Variants in KATNBL1 observed in about 807,000 individuals in gnomAD.
The protein encoded by KATNBL1 is katanin regulatory subunit B1 like 1, also known as KATNB1-like protein 1.
A neutral mutation model predicts 44.7 loss-of-function variants in KATNBL1; 28 were observed. That is an observed-to-expected ratio of 0.63 (90% confidence interval 0.46 to 0.86). The LOEUF is 0.86. KATNBL1 is among the 40% of genes least tolerant of loss of function. KATNBL1 has a pLI of 0.00. For missense variants in KATNBL1, 272 were observed against 350.7 expected (o/e 0.78, Z 1.79); for synonymous variants, 78 against 114.9 (o/e 0.68, Z 2.06).
At chr15:34,181,948 A>G (rs764443245) in intron 1 of KATNBL1, among the ~76,000 whole-genome samples, 27 of 149,386 alleles carry the variant, frequency 1.8e-4, no homozygotes, top group Non-Finnish European at 3.4e-4. Context: ...TGTTAACAGT[A>G]TCATTAAAAA....
intron 1 of KATNBL1, among the ~76,000 whole-genome samples, chr15:34,178,822 T>A (rs190541704): frequency 6.6e-6 from 1 of 152,064 alleles, no homozygotes; most frequent in Non-Finnish European, 1.5e-5. Context: ...ACATGAGATT[T>A]TTCTGGGATA....
Position 34,145,486 on chromosome 15 carries a change from A to T in KATNBL1, c.794T>A (p.Ile265Asn). 6.9e-7 allele frequency: 1 copy of T among 1,440,420 alleles called. No homozygotes were observed. The highest frequency in any genetic ancestry group is 2.8e-5 in the East Asian group (1 of 35,590). 89.2% of individuals were successfully genotyped at this position (1,440,420 alleles called of 1,614,324 possible). ...SKTEIINDGN[I>N]QILKQQLSGL... ...ACTTAATTGTTGTTTTAAAATTTGA[A>T]TATTTCTAAAAGAAAAAAAAGGAAG... Residue 265 changes from isoleucine (I) to asparagine (N), a missense_variant, in exon 9 of 10, where the codon ATT becomes AAT. Physicochemically the swap from Ile to Asn is moderately radical, Grantham distance 149 (BLOSUM62 -3). Coordinates refer to ENST00000256544, the MANE Select transcript of KATNBL1 (RefSeq NM_024713.3).
At chr15:34,195,410 T>TA (rs1890001627) in intron 1 of KATNBL1, among the ~76,000 whole-genome samples, 1 of 152,062 alleles carries the variant, frequency 6.6e-6, no homozygotes, top group Non-Finnish European at 1.5e-5. Flanking sequence ...TGTGGAATAA[T>TA]AGAGAATGGA....
At chr15:34,180,870 C>T (rs1889496970) in intron 1 of KATNBL1, among the ~76,000 whole-genome samples, 1 of 152,044 alleles carries the variant, frequency 6.6e-6, no homozygotes, top group Non-Finnish European at 1.5e-5. Context: ...CGATACCAGC[C>T]TAGGCAACAT....
intron 2 of KATNBL1, among the ~76,000 whole-genome samples, chr15:34,163,269 C>T (rs929869718): frequency 2.6e-5 from 4 of 152,034 alleles, no homozygotes; most frequent in Non-Finnish European, 5.9e-5. Context: ...GTCTTGAACT[C>T]CTGACCTCAG....
At chr15:34,161,498 CT>C (rs1888805528) in intron 2 of KATNBL1, among the ~76,000 whole-genome samples, 1 of 152,192 alleles carries the variant, frequency 6.6e-6, no homozygotes, top group Non-Finnish European at 1.5e-5. Flanking sequence ...TGGCAAAAGG[CT>C]TTCTCAGCAA....
In KATNBL1 at chr15:34,199,925, CTTAT is replaced by C. The variant is rs1413506178; in HGVS notation, c.-15+10022_-15+10025del. ...GGGCTAGGTGGCCAGCTTTTATTCC[CTTAT>C]TTGACCCCGCCCATGTGCTGCTGAT... On this transcript the variant is annotated intron_variant, in intron 1 of 9. Coordinates refer to ENST00000256544, the MANE Select transcript of KATNBL1 (RefSeq NM_024713.3). 2.0e-5 allele frequency: 3 copies of C among 152,238 alleles called. No individual in the cohort carries two copies. The East Asian group carries it at 5.8e-4, about 29-fold the overall frequency. The allele number at this position is 152,238 out of a possible 1,614,324, so 9.4% of individuals were successfully genotyped here. A position where few individuals can be genotyped will look rare whatever the true frequency, so the allele number is the denominator to read the frequency against.
intron 1 of KATNBL1, among the ~76,000 whole-genome samples, chr15:34,192,487 T>C (rs1889904832): frequency 6.6e-6 from 1 of 152,070 alleles, no homozygotes; most frequent in African/African-American, 2.4e-5. Flanking sequence ...AGCCAATTCA[T>C]GGGAGACATA....
intron 1 of KATNBL1, among the ~76,000 whole-genome samples, chr15:34,208,164 G>A (rs138715807): frequency 6.6e-6 from 1 of 151,980 alleles, no homozygotes; most frequent in African/African-American, 2.4e-5. Context: ...AGTTCTTCAG[G>A]GGTGATTTCC....
chr15:34,151,345 A>C (rs1051406705), intron 4 of KATNBL1, among the ~76,000 whole-genome samples: 1 of 145,042 alleles, frequency 6.9e-6, no homozygotes, highest in East Asian at 2.1e-4. Context: ...GAGTGATTTT[A>C]GGTTTAGCAT....
intron 1 of KATNBL1, among the ~76,000 whole-genome samples, chr15:34,200,156 G>A (rs1200764691): frequency 1.3e-5 from 2 of 152,120 alleles, no homozygotes; most frequent in Non-Finnish European, 2.9e-5. Context: ...CAGAAACCCA[G>A]CTGGCTTCAC....
chr15:34,147,739 G>A (rs1280256159), intron 5 of KATNBL1, among the ~76,000 whole-genome samples: 3 of 152,198 alleles, frequency 2.0e-5, no homozygotes, highest in African/African-American at 7.2e-5. Context: ...ATAGGGAGTG[G>A]AGAAATAGGT....
intron 1 of KATNBL1, among the ~76,000 whole-genome samples, chr15:34,175,918 A>G (rs1399146153): frequency 1.3e-5 from 2 of 152,218 alleles, no homozygotes; most frequent in Non-Finnish European, 1.5e-5. Flanking sequence ...CTACATAAAA[A>G]TGCAGAAGAA....
chr15:34,170,640 A>G (rs546724215), intron 1 of KATNBL1, among the ~76,000 whole-genome samples: 42 of 152,346 alleles, frequency 2.8e-4, no homozygotes, highest in African/African-American at 1.0e-3. Flanking sequence ...GACAATCCTA[A>G]GCAAAAAGAA....
At chr15:34,175,449 A>G (rs974539872) in intron 1 of KATNBL1, among the ~76,000 whole-genome samples, 10 of 152,112 alleles carry the variant, frequency 6.6e-5, no homozygotes, top group Non-Finnish European at 1.2e-4. Flanking sequence ...GAATCTATAA[A>G]ATCATTTTTT....
chr15:34,192,482 AT>A (rs1889904750), intron 1 of KATNBL1, among the ~76,000 whole-genome samples: 1 of 152,102 alleles, frequency 6.6e-6, no homozygotes, highest in Admixed American at 6.6e-5. Context: ...AACAAAGCCA[AT>A]TCATGGGAGA....
At chr15:34,156,997 C>T (rs866335186) in intron 2 of KATNBL1, among the ~76,000 whole-genome samples, 127 of 152,290 alleles carry the variant, frequency 8.3e-4, no homozygotes, top group African/African-American at 2.6e-3. Context: ...CTGGAATCTC[C>T]GTCAAACTCT....
intron 4 of KATNBL1, among the ~76,000 whole-genome samples, chr15:34,149,902 C>G (rs956620488): frequency 3.9e-5 from 6 of 152,188 alleles, no homozygotes; most frequent in Admixed American, 6.5e-5. Context: ...AAAACAATAG[C>G]ATATTCTCTA....
intron 1 of KATNBL1, among the ~76,000 whole-genome samples, chr15:34,176,312 A>T (rs1338601563): frequency 6.6e-6 from 1 of 151,990 alleles, no homozygotes; most frequent in Non-Finnish European, 1.5e-5. Context: ...CGGGAGGCGG[A>T]GTTTGCAGTG....
Sources: gnomAD v4.1 joint callset for allele counts (sites outside exome capture counted in the v4.1 genomes callset) on GRCh38, gnomAD v4.1.1 for gene constraint, MANE v1.5 for transcripts, NCBI Gene and HGNC (gene_info 2026-07-23, HGNC 2026-07-21) for gene names.